Variants in TIAM2 observed in about 807,000 individuals in gnomAD.
TIAM2 encodes the protein rho guanine nucleotide exchange factor TIAM2.
In TIAM2, 80 loss-of-function variants were observed where a neutral mutation model predicts 152.9. The observed-to-expected ratio is 0.52, with a 90% CI of 0.44 to 0.63. The LOEUF is 0.63. Ranked by LOEUF, TIAM2 falls within the 30% of genes least tolerant of loss-of-function variation. The pLI is 0.00. For synonymous variants in TIAM2, 804 were observed against 838.0 expected (o/e 0.96, Z 0.70); for missense variants, 1,965 against 2,120.1 (o/e 0.93, Z 1.44).
chr6:155,243,428 C>T (rs1462148571), intron 16 of TIAM2, among the ~76,000 whole-genome samples: 3 of 152,096 alleles, frequency 2.0e-5, no homozygotes, highest in Non-Finnish European at 4.4e-5. Flanking sequence ...GTTTCTGTCA[C>T]CAAGACACTT....
intron 2 of TIAM2, among the ~76,000 whole-genome samples, 152 bp from the exon 3 acceptor site, chr6:155,127,338 C>T (rs747097727): frequency 6.6e-6 from 1 of 152,190 alleles, no homozygotes; most frequent in Non-Finnish European, 1.5e-5. Context: ...CCTGATGAAT[C>T]ACACGGTTCA....
At chr6:155,172,776 C>T (rs1480160261) in intron 9 of TIAM2, among the ~76,000 whole-genome samples, 3 of 141,902 alleles carry the variant, frequency 2.1e-5, no homozygotes, top group East Asian at 4.3e-4. Flanking sequence ...CAAAGGTAGC[C>T]AACCGTGGAA....
intron 1 of TIAM2, among the ~76,000 whole-genome samples, chr6:155,021,436 A>C (rs1776488549): frequency 6.6e-6 from 1 of 151,896 alleles, no homozygotes; most frequent in Non-Finnish European, 1.5e-5. Context: ...TAGTTTTTAT[A>C]TCTTTAGTAG....
chr6:155,037,236 TACTG>T (rs1245926483), intron 1 of TIAM2, among the ~76,000 whole-genome samples: 2 of 152,184 alleles, frequency 1.3e-5, no homozygotes, highest in African/African-American at 4.8e-5. Flanking sequence ...GGCAGTAAAA[TACTG>T]ACCTCGAATA....
At position 155,253,829 on chromosome 6, in the gene TIAM2, C is replaced by A. The variant is rs113081754; in HGVS notation, c.4226-144C>A. 9.9e-6 allele frequency: 6 copies of A among 608,654 alleles called. No individual in the cohort carries two copies. The African/African-American group carries it at 1.1e-4, about 11-fold the overall frequency. 37.7% of individuals were successfully genotyped at this position (608,654 alleles called of 1,614,324 possible). ...AGTTCTTGTAACTGTGAAAATCATA[C>A]ATAGAACAAGCCACAGAAGAAAATG... On this transcript the variant is annotated intron_variant, in intron 24 of 26. Transcript: ENST00000682666.
intron 7 of TIAM2, among the ~76,000 whole-genome samples, chr6:155,149,474 T>A (rs567975805): frequency 3.6e-4 from 55 of 152,362 alleles, no homozygotes; most frequent in African/African-American, 1.3e-3. Flanking sequence ...GGAAAAAAAA[T>A]TTCATGGTAA....
intron 14 of TIAM2, among the ~76,000 whole-genome samples, chr6:155,203,693 A>C (rs770278749): frequency 3.3e-5 from 5 of 152,208 alleles, no homozygotes; most frequent in African/African-American, 4.8e-5. Flanking sequence ...TCTAAGGATT[A>C]ATGATTTAAT....
At chr6:155,162,964 G>A (rs530991111) in intron 7 of TIAM2, among the ~76,000 whole-genome samples, 1 of 152,308 alleles carries the variant, frequency 6.6e-6, no homozygotes, top group South Asian at 2.1e-4. Flanking sequence ...AAGTTGTGCA[G>A]CGACCAACCT....
In TIAM2 at chr6:155,256,941, CAAG is replaced by C. The variant is rs764399216; in HGVS notation, c.4928_4930del (p.Lys1643del). ...CCATTAAACGAAAAGCCAACAGCAC[CAAG>C]AGGGACAGAGGAACTTTGCTCAAGG... On this transcript the variant is annotated inframe_deletion, in exon 27 of 27. Transcript: ENST00000682666. The C allele has an allele frequency of 5.0e-6, 8 of 1,614,140 alleles. No homozygotes were observed.
rs57713754 is a variant in TIAM2 at position 155,191,812 on chromosome 6, A to C, written c.3064+8312A>C. On this transcript the variant is annotated intron_variant, in intron 14 of 26. Transcript: ENST00000682666. ...TCTGTCTCATAAAAAACAACAACAAAAAAAAAAAATTGGGGAAAATAATGG... is the reference window on the plus strand; with the variant it reads ...TCTGTCTCATAAAAAACAACAACAACAAAAAAAAATTGGGGAAAATAATGG... 5.2e-3 allele frequency among the ~76,000 whole-genome samples: 562 copies of C among 107,770 alleles called. 2 individuals carry two copies. In the South Asian group the frequency reaches 0.053, roughly 10 times the overall value. 70.7% of individuals were successfully genotyped at this position (107,770 alleles called of 152,430 possible). A position where few individuals can be genotyped will look rare whatever the true frequency, so the allele number is the denominator to read the frequency against.
At chr6:155,148,897 T>C (rs1779881533) in intron 7 of TIAM2, among the ~76,000 whole-genome samples, 1 of 152,228 alleles carries the variant, frequency 6.6e-6, no homozygotes, top group Non-Finnish European at 1.5e-5. Flanking sequence ...GGAAAACAGT[T>C]TGAAAATTTT....
At chr6:155,111,327 A>T (rs1583195730) in intron 2 of TIAM2, among the ~76,000 whole-genome samples, 1 of 127,176 alleles carries the variant, frequency 7.9e-6, no homozygotes, top group African/African-American at 3.3e-5. Flanking sequence ...ACACACACAC[A>T]CACACACACA....
intron 1 of TIAM2, among the ~76,000 whole-genome samples, chr6:155,008,004 T>A (rs535037380): frequency 1.3e-5 from 2 of 152,270 alleles, no homozygotes; most frequent in South Asian, 4.1e-4. Context: ...CAGCCAACAG[T>A]TGGAATTTTC....
At chr6:155,230,189 C>T (rs1782405550) in intron 15 of TIAM2, among the ~76,000 whole-genome samples, 1 of 152,200 alleles carries the variant, frequency 6.6e-6, no homozygotes, top group Admixed American at 6.5e-5. Flanking sequence ...CCTCCACCCA[C>T]TCCTGCTCTC....
chr6:155,130,830 A>C (rs1779429406), intron 4 of TIAM2, among the ~76,000 whole-genome samples: 1 of 152,178 alleles, frequency 6.6e-6, no homozygotes, highest in South Asian at 2.1e-4. Flanking sequence ...CAGAGAGAGC[A>C]GGAGGTCTAG....
intron 1 of TIAM2, among the ~76,000 whole-genome samples, chr6:155,020,770 C>A (rs1776462985): frequency 6.6e-6 from 1 of 152,074 alleles, no homozygotes; most frequent in African/African-American, 2.4e-5. Context: ...GCCATATTAG[C>A]CATTTTTAAG....
rs1780722005 is a variant in TIAM2 at position 155,174,776 on chromosome 6, A to T, written c.2362-2040A>T. ...GTTCCTCCCACACCTGTTTATCCAT[A>T]ATTACGTTCTTCCTGATCTCCAAAA... On this transcript the variant is annotated intron_variant, in intron 9 of 26. Coordinates refer to ENST00000682666, the MANE Select transcript of TIAM2 (RefSeq NM_012454.4). This position sits in a 1 kb window ranked among gnomAD's most constrained non-coding sequence, Gnocchi z 4.2. Among the ~76,000 whole-genome samples the T allele has an allele frequency of 6.6e-6, 1 of 152,144 alleles. No individual in the cohort carries two copies.
At chr6:155,110,492 C>T (rs1778815282) in intron 2 of TIAM2, among the ~76,000 whole-genome samples, 1 of 152,062 alleles carries the variant, frequency 6.6e-6, no homozygotes, top group African/African-American at 2.4e-5. Context: ...AATCTGTGAC[C>T]ATCAGCTCTC....
In TIAM2 at chr6:155,249,943, G is replaced by A. The variant is rs1783548695; in HGVS notation, c.3925G>A (p.Ala1309Thr). Residue 1309 changes from alanine (A) to threonine (T), a missense_variant, in exon 21 of 27, where the codon GCT becomes ACT. Physicochemically the swap from Ala to Thr is moderately conservative, Grantham distance 58 (BLOSUM62 0). Around this residue, in one of 3 missense-constraint regions of TIAM2, gnomAD observed 935 missense variants for 980.0 expected, o/e 0.95. Transcript: ENST00000682666. ...TGGGACCGTGTTTGACCAGCTAGTA[G>A]CTGAGCAGAGCGGAACAGAGAAGGA... is the stretch of plus-strand genomic sequence containing the variant. ...DYGTVFDQLV[A>T]EQSGTEKEVT... The A allele has an allele frequency of 6.2e-7, 1 of 1,614,032 alleles. No homozygotes were observed. The highest frequency in any genetic ancestry group is 2.2e-5 in the East Asian group (1 of 44,876).
Sources: allele counts gnomAD v4.1 joint callset (sites outside exome capture counted in the v4.1 genomes callset), GRCh38; gene constraint gnomAD v4.1.1; regional missense constraint gnomAD v4.1.1; non-coding constraint Gnocchi (gnomAD v3.1); transcripts MANE v1.5; gene names NCBI Gene and HGNC (gene_info 2026-07-23, HGNC 2026-07-21).